Variants in STOX2 observed in about 807,000 individuals in gnomAD.
STOX2 encodes storkhead-box protein 2.
Under a neutral mutation model 60.9 loss-of-function variants are expected in STOX2, and 28 were observed. That is an observed-to-expected ratio of 0.46 (90% CI 0.34 to 0.63). The LOEUF is 0.63. Among genes scored for constraint, STOX2 ranks in the 30% least tolerant of loss-of-function variants. The pLI, the probability that STOX2 is intolerant of heterozygous loss-of-function variation, is 0.01. For synonymous variants in STOX2, 472 were observed against 463.9 expected, an observed-to-expected ratio of 1.02 and a Z score of -0.22; for missense variants, 1,024 against 1,187.7, an observed-to-expected ratio of 0.86 and a Z score of 2.03.
At chr4:183,983,863 C>A (rs977811712) in intron 1 of STOX2, among the ~76,000 whole-genome samples, 6 of 152,216 alleles carry the variant, frequency 3.9e-5, no homozygotes, top group African/African-American at 1.4e-4. Flanking sequence ...TAGCTCACTG[C>A]AGCCTTGAAC....
chr4:183,911,948 A>T (rs1741793780), intron 1 of STOX2, among the ~76,000 whole-genome samples: 1 of 152,234 alleles, frequency 6.6e-6, no homozygotes, highest in Admixed American at 6.5e-5. Flanking sequence ...AATTGACCTT[A>T]TCCACAGTAA....
At chr4:183,961,154 G>T (rs116421761) in intron 1 of STOX2, among the ~76,000 whole-genome samples, 4 of 152,028 alleles carry the variant, frequency 2.6e-5, no homozygotes, top group Non-Finnish European at 4.4e-5. Flanking sequence ...GTGTCGCTAG[G>T]GGGGACACAT....
intron 1 of STOX2, among the ~76,000 whole-genome samples, chr4:183,981,639 C>T (rs1732661700): frequency 6.6e-6 from 1 of 152,218 alleles, no homozygotes; most frequent in East Asian, 1.9e-4. Flanking sequence ...AGTTTTTCCT[C>T]GTTTTACTTT....
At chr4:183,815,674 A>G (rs1739137636) in intron 1 of STOX2, among the ~76,000 whole-genome samples, 1 of 152,222 alleles carries the variant, frequency 6.6e-6, no homozygotes. Context: ...GTGAAGTGAG[A>G]TATTAATTAC....
intron 1 of STOX2, among the ~76,000 whole-genome samples, chr4:183,807,128 A>G (rs1008125709): frequency 7.2e-5 from 11 of 151,902 alleles, no homozygotes; most frequent in Admixed American, 1.3e-4. Flanking sequence ...GACCACCACC[A>G]CGCCCAGCTA....
At chr4:183,923,081 G>A (rs1742147439) in intron 1 of STOX2, among the ~76,000 whole-genome samples, 2 of 152,188 alleles carry the variant, frequency 1.3e-5, no homozygotes, top group Admixed American at 1.3e-4. Flanking sequence ...GAATGCTGCT[G>A]TGCACACAGG....
intron 1 of STOX2, among the ~76,000 whole-genome samples, chr4:183,915,182 G>A (rs1741894148): frequency 6.6e-6 from 1 of 152,194 alleles, no homozygotes; most frequent in African/African-American, 2.4e-5. Context: ...GTGGGCAGTC[G>A]GGGTAGCAGG....
At chr4:183,809,723 T>C (rs1324913091) in intron 1 of STOX2, among the ~76,000 whole-genome samples, 1 of 152,204 alleles carries the variant, frequency 6.6e-6, no homozygotes, top group Non-Finnish European at 1.5e-5. Context: ...AAGTCAACTC[T>C]CCACTTTTGG....
At chr4:183,812,011 A>G (rs999440431) in intron 1 of STOX2, among the ~76,000 whole-genome samples, 1 of 146,582 alleles carries the variant, frequency 6.8e-6, no homozygotes. Flanking sequence ...GGCTCACTGC[A>G]GCCTCTACCT....
At chr4:183,811,041 C>A (rs1229882408) in intron 1 of STOX2, among the ~76,000 whole-genome samples, 1 of 151,998 alleles carries the variant, frequency 6.6e-6, no homozygotes, top group African/African-American at 2.4e-5. Context: ...TCTTGTCAAA[C>A]CGATTTAGTG....
rs10577405 is a variant in STOX2, at chr4:183,938,669, CAAAAAAAA to C, written c.166+31731_166+31738del. ...GGGCAACAGAGTGAGACTCCGTCTC[CAAAAAAAA>C]AAAAAAAAAAAAAAAAATCTATTTT... On this transcript the variant is annotated intron_variant, in intron 1 of 3. Transcript: ENST00000308497. Among the ~76,000 whole-genome samples the C allele has an allele frequency of 3.9e-4, 32 of 82,492 alleles. 1 individual carries two copies. The highest frequency in any genetic ancestry group is 2.9e-3 in the East Asian group (8 of 2,730). 54.1% of individuals were successfully genotyped at this position (82,492 alleles called of 152,430 possible). A position where few individuals can be genotyped will look rare whatever the true frequency, so the allele number is the denominator to read the frequency against.
Position 183,971,052 on chromosome 4 carries a change from G to A in STOX2, c.167-30273G>A, listed in dbSNP as rs1035674307. On this transcript the variant is annotated intron_variant, in intron 1 of 3. Transcript: ENST00000308497. ...TTTGGGGTCAGGTTATTTGTACATG[G>A]TAGTGTAACTGTCAAGATGTAATAT... 9.8e-5 allele frequency among the ~76,000 whole-genome samples: 15 copies of A among 152,324 alleles called. No homozygotes were observed. The South Asian group carries it at 2.1e-3, about 21-fold the overall frequency.
At chr4:183,938,653 A>C (rs990153705) in intron 1 of STOX2, among the ~76,000 whole-genome samples, 1 of 137,170 alleles carries the variant, frequency 7.3e-6, no homozygotes, top group Admixed American at 7.9e-5. Context: ...CGGGCAACAG[A>C]GTGAGACTCC....
chr4:183,838,104 C>T (rs988082575), intron 1 of STOX2, among the ~76,000 whole-genome samples: 1 of 151,476 alleles, frequency 6.6e-6, no homozygotes, highest in Non-Finnish European at 1.5e-5. Flanking sequence ...TTAAATTTAT[C>T]TCCTTTTTTC....
At chr4:183,934,378 T>C (rs1333116192) in intron 1 of STOX2, among the ~76,000 whole-genome samples, 1 of 152,194 alleles carries the variant, frequency 6.6e-6, no homozygotes, top group Non-Finnish European at 1.5e-5. Context: ...TGTCTCTCTA[T>C]CCTGAATGCC....
chr4:183,839,370 C>A (rs1179790886), intron 1 of STOX2, among the ~76,000 whole-genome samples: 1 of 152,158 alleles, frequency 6.6e-6, no homozygotes, highest in African/African-American at 2.4e-5. Context: ...TCACACTGAT[C>A]CGAAAAGTTT....
At chr4:184,013,413 T>C (rs552234254) in intron 3 of STOX2, among the ~76,000 whole-genome samples, 1 of 152,338 alleles carries the variant, frequency 6.6e-6, no homozygotes, top group African/African-American at 2.4e-5. Context: ...TTAAGTGTTT[T>C]GTCATGGCAG....
At chr4:183,898,484 T>C (rs1312602590) in intron 1 of STOX2, among the ~76,000 whole-genome samples, 1 of 152,172 alleles carries the variant, frequency 6.6e-6, no homozygotes, top group African/African-American at 2.4e-5. Context: ...CAGTTGACAG[T>C]AGGAAGTAAG....
At chr4:183,984,839 A>G (rs1201760588) in intron 1 of STOX2, among the ~76,000 whole-genome samples, 1 of 152,170 alleles carries the variant, frequency 6.6e-6, no homozygotes, top group Non-Finnish European at 1.5e-5. Context: ...TGTTATCCAA[A>G]GATGTAAGAG....
Sources: gnomAD v4.1 joint callset for allele counts (sites outside exome capture counted in the v4.1 genomes callset) on GRCh38, gnomAD v4.1.1 for gene constraint, MANE v1.5 for transcripts, NCBI Gene and HGNC (gene_info 2026-07-23, HGNC 2026-07-21) for gene names.